Variants in USH2A observed in about 807,000 individuals in gnomAD.
USH2A encodes the protein Usher syndrome 2A (autosomal recessive, mild).
A neutral mutation model predicts 538.9 loss-of-function variants in USH2A; 443 were observed. That is an observed-to-expected ratio of 0.82 (90% CI 0.76 to 0.89). USH2A has a LOEUF of 0.89. USH2A is among the 40% of genes least tolerant of loss of function. The probability of loss-of-function intolerance (pLI) is 0.00; values close to 1 mark genes in which losing one functional copy is unlikely to be tolerated. For synonymous variants in USH2A, 2,413 were observed against 2,273.5 expected (o/e 1.06, Z -1.75); for missense variants, 6,633 against 6,324.8 (o/e 1.05, Z -1.65).
intron 61 of USH2A, among the ~76,000 whole-genome samples, chr1:215,724,288 G>GAATGAAATC (rs1659747716): frequency 6.6e-6 from 1 of 151,404 alleles, no homozygotes; most frequent in Non-Finnish European, 1.5e-5. Flanking sequence ...CCATAAAAAA[G>GAATGAAATC]AATGAAATCA....
Position 215,624,175 on chromosome 1 carries a change from A to G in USH2A, c.*1606T>C, listed in dbSNP as rs895758146. 6.6e-6 allele frequency: 1 copy of G among 152,162 alleles called. No individual in the cohort carries two copies. The highest frequency in any genetic ancestry group is 2.4e-5 in the African/African-American group (1 of 41,452). 9.4% of individuals were successfully genotyped at this position (152,162 alleles called of 1,614,324 possible). A position where few individuals can be genotyped will look rare whatever the true frequency, so the allele number is the denominator to read the frequency against. ...TGCCAGATGTGCACAATTATTTCAG[A>G]TGCTTTTGTTTATAGCAGTTCTAAT... On this transcript the variant is annotated 3_prime_UTR_variant, in exon 72 of 72. Coordinates refer to ENST00000307340, the MANE Select transcript of USH2A (RefSeq NM_206933.4).
intron 47 of USH2A, among the ~76,000 whole-genome samples, chr1:215,822,697 T>G (rs550741717): frequency 6.6e-6 from 1 of 152,098 alleles, no homozygotes; most frequent in African/African-American, 2.4e-5. Flanking sequence ...CTTGTTCCAG[T>G]TCTTCCAGGA....
chr1:215,740,130 A>G (rs1660260874), intron 60 of USH2A, among the ~76,000 whole-genome samples: 1 of 152,106 alleles, frequency 6.6e-6, no homozygotes, highest in African/African-American at 2.4e-5. Flanking sequence ...TTTGCATTGT[A>G]CTTTCTACTC....
chr1:215,837,250 G>T (rs576764863), intron 47 of USH2A, among the ~76,000 whole-genome samples: 2 of 151,944 alleles, frequency 1.3e-5, no homozygotes, highest in East Asian at 3.9e-4. Context: ...ATTTCAGTGT[G>T]TGTATGTGTC....
chr1:216,386,877 T>C (rs57085577), intron 3 of USH2A, among the ~76,000 whole-genome samples: 2,755 of 152,042 alleles, frequency 0.018, 91 homozygotes, highest in African/African-American at 0.063. Flanking sequence ...ATAATAATAA[T>C]AGTAATTTCT....
At chr1:216,037,354 T>C (rs900146993) in intron 32 of USH2A, among the ~76,000 whole-genome samples, 26 of 152,120 alleles carry the variant, frequency 1.7e-4, no homozygotes, top group African/African-American at 6.3e-4. Context: ...TTAGCAGATG[T>C]TATTGTTTTT....
At chr1:215,696,454 G>C (rs956609633) in intron 61 of USH2A, among the ~76,000 whole-genome samples, 2 of 152,124 alleles carry the variant, frequency 1.3e-5, no homozygotes, top group Middle Eastern at 3.2e-3. Flanking sequence ...TCACTCAGGG[G>C]CTGCATGGCA....
At chr1:215,957,945 G>C (rs1027225283) in intron 37 of USH2A, among the ~76,000 whole-genome samples, 4 of 152,052 alleles carry the variant, frequency 2.6e-5, no homozygotes, top group Non-Finnish European at 5.9e-5. Context: ...CAGATATACT[G>C]CATGGGTTGC....
intron 38 of USH2A, among the ~76,000 whole-genome samples, chr1:215,928,188 T>G (rs747824556): frequency 6.6e-6 from 1 of 151,528 alleles, no homozygotes; most frequent in Non-Finnish European, 1.5e-5. Flanking sequence ...ATAGCTAAGA[T>G]TTTTTTTTAA....
At chr1:215,799,167 A>C in intron 49 of USH2A, 42 bp from the exon 50 acceptor site, 2 of 1,564,218 alleles carry the variant, frequency 1.3e-6, no homozygotes, top group Non-Finnish European at 1.7e-6. Flanking sequence ...TCAGTTAAAA[A>C]AATATGCTAT....
At chr1:215,785,004 T>C (rs1053367324) in intron 52 of USH2A, among the ~76,000 whole-genome samples, 1 of 152,228 alleles carries the variant, frequency 6.6e-6, no homozygotes, top group Non-Finnish European at 1.5e-5. Flanking sequence ...TAACTGGGAC[T>C]GGGAACACAA....
intron 38 of USH2A, among the ~76,000 whole-genome samples, chr1:215,932,132 T>G (rs1666379862): frequency 6.6e-6 from 1 of 151,946 alleles, no homozygotes. Flanking sequence ...CACCCAGCAT[T>G]GAAAGATACT....
rs558223405 is a variant in USH2A, at chr1:215,687,716, C to A, written c.12067-7340G>T. Reference sequence around the variant, plus strand: ...AAAATGTGCATACACTGTGACCCAGCAATTTCACTCTGATAATCTATTCTA... The same window carrying A: ...AAAATGTGCATACACTGTGACCCAGAAATTTCACTCTGATAATCTATTCTA... On this transcript the variant is annotated intron_variant, in intron 61 of 71. Transcript: ENST00000307340. Among the ~76,000 whole-genome samples, 3 of 152,240 alleles carry A rather than the reference C, an allele frequency of 2.0e-5. No homozygotes were observed. The East Asian group carries it at 5.8e-4, about 29-fold the overall frequency.
intron 20 of USH2A, among the ~76,000 whole-genome samples, chr1:216,178,350 A>G (rs2034432008): frequency 6.6e-6 from 1 of 152,150 alleles, no homozygotes; most frequent in Non-Finnish European, 1.5e-5. Flanking sequence ...TAGGTTCTCA[A>G]AGATTTCATT....
chr1:215,693,186 G>T (rs1204982708), intron 61 of USH2A, among the ~76,000 whole-genome samples: 2 of 149,688 alleles, frequency 1.3e-5, no homozygotes, highest in Non-Finnish European at 3.0e-5. Context: ...TCACTAAGTT[G>T]CCCAGGCTGG....
chr1:216,217,328 G>C (rs1473603956), intron 15 of USH2A, 59 bp downstream of exon 15: 10 of 1,599,920 alleles, frequency 6.3e-6, no homozygotes, highest in Admixed American at 1.7e-5. Context: ...AAAACAATGA[G>C]ATGCAGTCCC....
chr1:215,681,682 CA>C (rs895527834), intron 61 of USH2A, among the ~76,000 whole-genome samples: 1 of 152,074 alleles, frequency 6.6e-6, no homozygotes, highest in African/African-American at 2.4e-5. Context: ...ACTGGTTAGA[CA>C]AAAACAAAAC....
intron 30 of USH2A, among the ~76,000 whole-genome samples, chr1:216,065,928 T>C (rs1346467158): frequency 6.6e-6 from 1 of 151,466 alleles, no homozygotes; most frequent in East Asian, 1.9e-4. Context: ...AAATAAAAAA[T>C]AAAAAACAAT....
At chr1:216,325,178 T>G (rs2037704637) in intron 6 of USH2A, 127 bp downstream of exon 6, 1 of 1,112,638 alleles carries the variant, frequency 9.0e-7, no homozygotes, top group Admixed American at 2.0e-5. Context: ...GCCAACATGT[T>G]GATTTCATAT....
Sources: allele counts gnomAD v4.1 joint callset (sites outside exome capture counted in the v4.1 genomes callset), GRCh38; gene constraint gnomAD v4.1.1; transcripts MANE v1.5; gene names NCBI Gene and HGNC (gene_info 2026-07-23, HGNC 2026-07-21).